Variants in DLG2 observed in about 807,000 individuals in gnomAD.
The protein encoded by DLG2 is disks large homolog 2.
A neutral mutation model predicts 132.5 loss-of-function variants in DLG2; 45 were observed. That is an observed-to-expected ratio of 0.34 (90% CI 0.27 to 0.44). The LOEUF (loss-of-function observed/expected upper bound fraction) is 0.44, where lower values mean the gene tolerates loss of function less well. Among genes scored for constraint, DLG2 ranks in the 20% least tolerant of loss-of-function variants. The pLI is 1.00. For synonymous variants in DLG2, 424 were observed against 419.6 expected (o/e 1.01, Z -0.13); for missense variants, 1,045 against 1,196.9 (o/e 0.87, Z 1.87).
chr11:85,385,052 C>T (rs745686451), intron 3 of DLG2, among the ~76,000 whole-genome samples: 1 of 152,170 alleles, frequency 6.6e-6, no homozygotes, highest in South Asian at 2.1e-4. Context: ...TGCCCTGCCT[C>T]CTACTTACAG....
intron 6 of DLG2, among the ~76,000 whole-genome samples, chr11:84,946,641 G>C (rs7926782): frequency 4.6e-5 from 7 of 151,964 alleles, no homozygotes; most frequent in African/African-American, 1.7e-4. Context: ...CAGAAGGAAG[G>C]AGCAACTATA....
At chr11:83,620,997 A>AGGTAAG (rs1471063266) in intron 19 of DLG2, among the ~76,000 whole-genome samples, 2 of 151,538 alleles carry the variant, frequency 1.3e-5, no homozygotes, top group Non-Finnish European at 2.9e-5. Context: ...TTTAGCTATA[A>AGGTAAG]GGTAAGATTA....
At chr11:84,292,608 A>G (rs960339477) in intron 7 of DLG2, among the ~76,000 whole-genome samples, 7 of 152,176 alleles carry the variant, frequency 4.6e-5, no homozygotes, top group Non-Finnish European at 1.5e-5. Context: ...GATTTTTATA[A>G]GCTATCAGAA....
chr11:84,923,600 C>G, intron 6 of DLG2: 2 of 990,888 alleles, frequency 2.0e-6, no homozygotes, highest in Non-Finnish European at 2.4e-6. Context: ...GAAGAGGAAA[C>G]CCTTCTTCCT....
chr11:84,739,421 C>G (rs1354250696), intron 6 of DLG2, among the ~76,000 whole-genome samples: 2 of 152,076 alleles, frequency 1.3e-5, no homozygotes, highest in Admixed American at 6.5e-5. Flanking sequence ...ACATGGGGCT[C>G]AGTTTTCTAG....
intron 7 of DLG2, among the ~76,000 whole-genome samples, chr11:84,427,765 G>A (rs554719690): frequency 2.0e-5 from 3 of 152,142 alleles, no homozygotes; most frequent in Non-Finnish European, 4.4e-5. Flanking sequence ...CAAAATGTCT[G>A]TCAAATCACA....
chr11:84,646,992 G>C (rs1195139329), intron 6 of DLG2, among the ~76,000 whole-genome samples: 1 of 152,064 alleles, frequency 6.6e-6, no homozygotes, highest in Non-Finnish European at 1.5e-5. Flanking sequence ...TAGGTATTGA[G>C]AGAGTAAGAC....
chr11:84,953,787 C>T (rs987509660), intron 6 of DLG2, among the ~76,000 whole-genome samples: 4 of 152,082 alleles, frequency 2.6e-5, no homozygotes, highest in African/African-American at 9.7e-5. Context: ...CAATGCATTC[C>T]TATTTCTACA....
At chr11:85,351,453 T>A (rs1015496983) in intron 3 of DLG2, among the ~76,000 whole-genome samples, 3 of 152,206 alleles carry the variant, frequency 2.0e-5, no homozygotes, top group Admixed American at 1.3e-4. Context: ...CTATGTTGAA[T>A]AGGAGTGGTG....
chr11:84,456,805 T>C (rs1445676981), intron 7 of DLG2, among the ~76,000 whole-genome samples: 14 of 151,234 alleles, frequency 9.3e-5, no homozygotes, highest in Non-Finnish European at 1.5e-5. Flanking sequence ...AAGGGAGAAA[T>C]TTTAGCCTTT....
At chr11:85,219,790 T>A (rs944054830) in intron 4 of DLG2, among the ~76,000 whole-genome samples, 1 of 150,934 alleles carries the variant, frequency 6.6e-6, no homozygotes, top group Non-Finnish European at 1.5e-5. Flanking sequence ...TTCACAGATT[T>A]TTGGGTGGTC....
intron 7 of DLG2, among the ~76,000 whole-genome samples, chr11:84,365,486 A>T (rs2098676587): frequency 6.6e-6 from 1 of 151,780 alleles, no homozygotes. Context: ...TAATTTTTTG[A>T]AGGGTTTTTT....
chr11:83,793,577 T>C (rs574689818), intron 17 of DLG2, among the ~76,000 whole-genome samples: 1 of 152,298 alleles, frequency 6.6e-6, no homozygotes, highest in East Asian at 1.9e-4. Context: ...GAAAACTGCA[T>C]GGAAAAATGG....
chr11:83,688,101 C>T (rs1478992855), intron 18 of DLG2, among the ~76,000 whole-genome samples: 1 of 152,056 alleles, frequency 6.6e-6, no homozygotes, highest in African/African-American at 2.4e-5. Context: ...TGTAGAGGTC[C>T]CTGCTCATAA....
intron 6 of DLG2, among the ~76,000 whole-genome samples, chr11:84,998,194 C>T (rs900273383): frequency 4.6e-5 from 7 of 152,176 alleles, no homozygotes; most frequent in South Asian, 4.1e-4. Context: ...GGCTCTGTTT[C>T]CTCACCCAAA....
At chr11:84,125,540 G>T (rs538834006) in intron 9 of DLG2, among the ~76,000 whole-genome samples, 2 of 152,182 alleles carry the variant, frequency 1.3e-5, no homozygotes, top group Non-Finnish European at 2.9e-5. Context: ...CAAATTTTGA[G>T]ATGGGGGCAA....
At chr11:84,401,447 G>A (rs924141310) in intron 7 of DLG2, among the ~76,000 whole-genome samples, 1 of 152,020 alleles carries the variant, frequency 6.6e-6, no homozygotes, top group African/African-American at 2.4e-5. Context: ...GCTTACTTCT[G>A]TTTGCCCAGG....
At chr11:84,542,293 C>A (rs1276733871) in intron 6 of DLG2, among the ~76,000 whole-genome samples, 1 of 152,056 alleles carries the variant, frequency 6.6e-6, no homozygotes, top group Non-Finnish European at 1.5e-5. Context: ...AGAAATTATC[C>A]CACTTAAGGC....
intron 6 of DLG2, among the ~76,000 whole-genome samples, chr11:84,960,485 G>A (rs1368496968): frequency 6.6e-6 from 1 of 151,254 alleles, no homozygotes; most frequent in Non-Finnish European, 1.5e-5. Context: ...ACCCAGGCTG[G>A]AGTGCACTGG....
Sources: gnomAD v4.1 joint callset for allele counts (sites outside exome capture counted in the v4.1 genomes callset) on GRCh38, gnomAD v4.1.1 for gene constraint, MANE v1.5 for transcripts, NCBI Gene and HGNC (gene_info 2026-07-23, HGNC 2026-07-21) for gene names.